TMEM127: variants seen among roughly 807,000 people sequenced by gnomAD.
TMEM127 encodes transmembrane protein 127.
In TMEM127, 21 loss-of-function variants were observed where a neutral mutation model predicts 20.1. The observed-to-expected ratio is 1.04, with a 90% confidence interval of 0.74 to 1.50. TMEM127 has a LOEUF of 1.50. Among genes scored for constraint, TMEM127 ranks in the 40% most tolerant of loss-of-function variants. TMEM127 has a pLI of 0.00. For missense variants in TMEM127, 303 were observed against 317.4 expected (o/e 0.95, Z 0.34); for synonymous variants, 150 against 144.7 (o/e 1.04, Z -0.26).
intron 2 of TMEM127, among the ~76,000 whole-genome samples, chr2:96,258,942 G>A (rs1268256063): frequency 6.6e-6 from 1 of 152,184 alleles, no homozygotes; most frequent in Non-Finnish European, 1.5e-5. Context: ...AATATGTGCA[G>A]GCTTCAAGGA....
intron 2 of TMEM127, among the ~76,000 whole-genome samples, chr2:96,259,450 T>C (rs974495839): frequency 6.6e-6 from 1 of 152,232 alleles, no homozygotes; most frequent in Non-Finnish European, 1.5e-5. Context: ...GGTCAGAAGC[T>C]AACAGGAATA....
chr2:96,257,006 A>G (rs1342743622), intron 2 of TMEM127, among the ~76,000 whole-genome samples: 1 of 152,240 alleles, frequency 6.6e-6, no homozygotes, highest in Non-Finnish European at 1.5e-5. Flanking sequence ...CGTCAAGGGC[A>G]TAAATGAAGG....
Position 96,254,865 on chromosome 2 carries a change from G to A in TMEM127, c.377C>T (p.Thr126Ile), listed in dbSNP as rs775944671. 3.1e-6 allele frequency: 5 copies of A among 1,614,014 alleles called. No homozygotes were observed. Among genetic ancestry groups the A allele is most frequent in the Admixed American group, 1.7e-5 (1 of 60,002 alleles). ...GATATGGGCGAAGGCATAGCGACGA[G>A]TGATCTTCAGAGCAGGATGCTTCGG... ...FGPKHPALKI[T>I]RRYAFAHILT... is the part of the protein sequence containing the mutation. Residue 126 changes from threonine to isoleucine, a missense_variant, in exon 3 of 4, where the codon ACT (threonine) becomes ATT (isoleucine). By Grantham distance (89) the Thr-to-Ile change is moderately conservative (BLOSUM62 -1). Transcript: ENST00000258439.
chr2:96,254,956 T>C lies in TMEM127; in HGVS notation c.286A>G (p.Ile96Val), dbSNP rs1684173772. The C allele has an allele frequency of 6.2e-7, 1 of 1,614,108 alleles. No individual in the cohort carries two copies. Among genetic ancestry groups the C allele is most frequent in the Admixed American group, 1.7e-5 (1 of 60,010 alleles). The change falls in exon 3 of 4, where the codon ATC becomes GTC. Residue 96 changes from isoleucine (I) to valine (V), a missense_variant. Transcript: ENST00000258439. The stretch of plus-strand genomic sequence containing the variant: ...ATGCCCAGGAAACAGAAGGCGGCGA[T>C]GACCCGCAGGAGCAGCACTGTCTGG... ...NPQTVLLLRV[I>V]AAFCFLGILC...
Position 96,254,019 on chromosome 2 carries a change from A to C in TMEM127, c.506T>G (p.Val169Gly), listed in dbSNP as rs1364190464. ...QQHKKYHGSQ[V>G]YVTFAVSFYL... Reference sequence around the variant, plus strand: ...GAAGCTAACGGCGAAGGTGACATAGACCTGGGATCCATGGTACTTCTTATG... The same window carrying C: ...GAAGCTAACGGCGAAGGTGACATAGCCCTGGGATCCATGGTACTTCTTATG... Residue 169 changes from valine to glycine, a missense_variant, in exon 4 of 4, where the codon GTC becomes GGC. By Grantham distance (109) the Val-to-Gly change is moderately radical. Transcript: ENST00000258439. 1.2e-6 allele frequency: 2 copies of C among 1,614,122 alleles called. No homozygotes were observed. The highest frequency in any genetic ancestry group is 1.7e-6 in the Non-Finnish European group (2 of 1,180,012).
chr2:96,258,691 A>G (rs1684257370), intron 2 of TMEM127, among the ~76,000 whole-genome samples: 1 of 152,212 alleles, frequency 6.6e-6, no homozygotes. Flanking sequence ...GCCATAGTGC[A>G]TGGGGCCTCA....
chr2:96,261,276 C>CT (rs912308390), intron 2 of TMEM127, among the ~76,000 whole-genome samples: 191 of 140,622 alleles, frequency 1.4e-3, no homozygotes, highest in Admixed American at 2.4e-3. Context: ...AGGATGAGGT[C>CT]TTTTTTTTTT....
chr2:96,257,411 G>T (rs1279462437), intron 2 of TMEM127, among the ~76,000 whole-genome samples: 1 of 151,780 alleles, frequency 6.6e-6, no homozygotes, highest in Non-Finnish European at 1.5e-5. Context: ...GCAGTGAGCC[G>T]ACATCGTGTC....
Position 96,249,192 on chromosome 2 carries a change from G to A in TMEM127, c.*4616C>T, listed in dbSNP as rs1684037581. On this transcript the variant is annotated 3_prime_UTR_variant, in exon 4 of 4. Coordinates refer to ENST00000258439, the MANE Select transcript of TMEM127 (RefSeq NM_017849.4). ...GGCTCACTGCAACCTCTGCCTCCCG[G>A]GTTCAAGTGATTCTCCTGCCTCAGC... 1 of 213,456 alleles carries A rather than the reference G, an allele frequency of 4.7e-6. No homozygotes were observed. The highest frequency in any genetic ancestry group is 9.5e-6 in the Non-Finnish European group (1 of 105,724). The allele number at this position is 213,456 out of a possible 1,614,324, so 13.2% of individuals were successfully genotyped here. A position where few individuals can be genotyped will look rare whatever the true frequency, so the allele number is the denominator to read the frequency against.
At chr2:96,257,098 C>T (rs1684222197) in intron 2 of TMEM127, among the ~76,000 whole-genome samples, 2 of 152,212 alleles carry the variant, frequency 1.3e-5, no homozygotes, top group Admixed American at 6.5e-5. Context: ...ATGACAACAA[C>T]CACGCAGCAG....
rs150677086 is a variant in TMEM127 at position 96,252,906 on chromosome 2, C to T, written c.*902G>A. The T allele has an allele frequency of 1.2e-4, 29 of 233,456 alleles. No individual in the cohort carries two copies. The highest frequency in any genetic ancestry group is 5.1e-4 in the African/African-American group (23 of 45,432). 14.5% of individuals were successfully genotyped at this position (233,456 alleles called of 1,614,324 possible). A position where few individuals can be genotyped will look rare whatever the true frequency, so the allele number is the denominator to read the frequency against. ...AGGCTGCATTCTACTGGGAGAGACT[C>T]GGGGAGGGACTACCATGGGCTTGGA... On this transcript the variant is annotated 3_prime_UTR_variant, in exon 4 of 4. Transcript: ENST00000258439. This position sits in a 1 kb window ranked among gnomAD's most constrained non-coding sequence, Gnocchi z 4.2.
rs753757501 is a variant in TMEM127, at chr2:96,249,570, C to T, written c.*4238G>A. ...GCCAGTAGTTTGAGACCAGCCTGGGCAACATGGTGAGACTGTCTCTACCCA... is the reference window on the plus strand; with the variant it reads ...GCCAGTAGTTTGAGACCAGCCTGGGTAACATGGTGAGACTGTCTCTACCCA... On this transcript the variant is annotated 3_prime_UTR_variant, in exon 4 of 4. Transcript: ENST00000258439. The T allele has an allele frequency of 3.9e-5, 9 of 230,264 alleles. No individual in the cohort carries two copies. Among genetic ancestry groups the T allele is most frequent in the Non-Finnish European group, 7.7e-5 (9 of 116,324 alleles). The allele number at this position is 230,264 out of a possible 1,614,324, so 14.3% of individuals were successfully genotyped here.
At chr2:96,257,323 G>A (rs1334661688) in intron 2 of TMEM127, among the ~76,000 whole-genome samples, 9 of 151,910 alleles carry the variant, frequency 5.9e-5, no homozygotes, top group African/African-American at 1.5e-4. Context: ...TTAGCCGGCC[G>A]TGGTGGCGCG....
In TMEM127 at chr2:96,254,074, A is replaced by C. The variant is rs964860224; in HGVS notation, c.451T>G (p.Ser151Ala). Residue 151 changes from serine (S) to alanine (A), a missense_variant, in exon 4 of 4, where the codon TCT becomes GCT. Transcript: ENST00000258439. ...TGCTGCTGGGCCAAGATGAGTTCAG[A>C]AGCCCAATAAGAAAAGCCAATGACG... ...ATVIGFSYWA[S>A]ELILAQQQQH... is the part of the protein sequence containing the mutation. The C allele has an allele frequency of 6.2e-7, 1 of 1,614,140 alleles. No individual in the cohort carries two copies. The highest frequency in any genetic ancestry group is 2.2e-5 in the East Asian group (1 of 44,882).
chr2:96,248,575 A>C lies in TMEM127; in HGVS notation c.*5233T>G, dbSNP rs1684020258. 1 of 215,594 alleles carries C rather than the reference A, an allele frequency of 4.6e-6. No individual in the cohort carries two copies. Among genetic ancestry groups the C allele is most frequent in the Admixed American group, 5.8e-5 (1 of 17,166 alleles). The allele number at this position is 215,594 out of a possible 1,614,324, so 13.4% of individuals were successfully genotyped here. On this transcript the variant is annotated 3_prime_UTR_variant, in exon 4 of 4. Coordinates refer to ENST00000258439, the MANE Select transcript of TMEM127 (RefSeq NM_017849.4). ...ATCCACCACCCCAAGGTTATTCCAG[A>C]AGGAAACTCTCCACCAATAGTGGTG...
Position 96,251,559 on chromosome 2 carries a change from A to T in TMEM127, c.*2249T>A, listed in dbSNP as rs1684088821. On this transcript the variant is annotated 3_prime_UTR_variant, in exon 4 of 4. Coordinates refer to ENST00000258439, the MANE Select transcript of TMEM127 (RefSeq NM_017849.4). ...AAAGAAAAAAAAATACAGCCTCATCAACATCTCCTGCTTCTCTGAGACAAA... is the reference window on the plus strand; with the variant it reads ...AAAGAAAAAAAAATACAGCCTCATCTACATCTCCTGCTTCTCTGAGACAAA... 8.6e-6 allele frequency: 2 copies of T among 232,544 alleles called. No individual in the cohort carries two copies. Among genetic ancestry groups the T allele is most frequent in the Admixed American group, 5.6e-5 (1 of 17,742 alleles). The allele number at this position is 232,544 out of a possible 1,614,324, so 14.4% of individuals were successfully genotyped here.
At position 96,265,349 on chromosome 2, in the gene TMEM127, GCCGGGCAGC is replaced by G. The variant is rs1684396239; in HGVS notation, c.24_32del (p.Leu9_Gly11del). The G allele has an allele frequency of 1.3e-6, 2 of 1,503,262 alleles. No homozygotes were observed. Among genetic ancestry groups the G allele is most frequent in the East Asian group, 5.0e-5 (2 of 39,954 alleles). The allele number at this position is 1,503,262 out of a possible 1,614,324, so 93.1% of individuals were successfully genotyped here. A position where few individuals can be genotyped will look rare whatever the true frequency, so the allele number is the denominator to read the frequency against. On this transcript the variant is annotated inframe_deletion, in exon 2 of 4. Transcript: ENST00000258439. ...CTCCCGGGCTCCTCCGCCGGCGCCC[GCCGGGCAGC>G]CCTGCGCCTCCGGGGGCGTACATGC...
At position 96,254,124 on chromosome 2, in the gene TMEM127, CA is replaced by C. The variant is rs1437132124; in HGVS notation, c.410-10del. ...GGTGGCACACTGCAGAACTAGGAGA[CA>C]GAGGGACAGCACAGAAGGGGAATTA... On this transcript the variant is annotated splice_polypyrimidine_tract_variant and intron_variant, in intron 3 of 3. Transcript: ENST00000258439. The C allele has an allele frequency of 6.2e-7, 1 of 1,613,390 alleles. No individual in the cohort carries two copies. The highest frequency in any genetic ancestry group is 2.2e-5 in the East Asian group (1 of 44,878).
chr2:96,263,902 G>A (rs1445524720), intron 2 of TMEM127, among the ~76,000 whole-genome samples: 1 of 152,134 alleles, frequency 6.6e-6, no homozygotes, highest in Non-Finnish European at 1.5e-5. Context: ...CAAGCTTAAT[G>A]CTCTTTGTGC....
Sources: gnomAD v4.1 joint callset for allele counts (sites outside exome capture counted in the v4.1 genomes callset) on GRCh38, gnomAD v4.1.1 for gene constraint, Gnocchi (gnomAD v3.1) non-coding constraint, MANE v1.5 for transcripts, NCBI Gene and HGNC (gene_info 2026-07-23, HGNC 2026-07-21) for gene names.